KIF26B: variants seen among roughly 807,000 people sequenced by gnomAD.
The protein encoded by KIF26B is kinesin family member 26B.
Under a neutral mutation model 151.2 loss-of-function variants are expected in KIF26B, and 63 were observed. The ratio of observed to expected loss-of-function variants is 0.42; its 90% CI spans 0.34 to 0.51. The LOEUF is 0.51. KIF26B is among the 20% of genes least tolerant of loss of function. The pLI is 0.07. For missense variants in KIF26B, 2,813 were observed against 2,913.6 expected (o/e 0.97, Z 0.79); for synonymous variants, 1,357 against 1,262.1 (o/e 1.08, Z -1.59).
Position 245,601,493 on chromosome 1 carries a change from T to G in KIF26B, c.1351-1084T>G, listed in dbSNP as rs2043396248. On this transcript the variant is annotated intron_variant, in intron 5 of 14. Transcript: ENST00000407071. The surrounding 1 kb of genome is among the most constrained non-coding windows in gnomAD (Gnocchi z 4.4). ...AGATTTCACCAAACCTGACAACTGA[T>G]GAGACAAAGAGAACAAGACACAGAG... Among the ~76,000 whole-genome samples, 1 of 152,220 alleles carries G rather than the reference T, an allele frequency of 6.6e-6. No homozygotes were observed. The highest frequency in any genetic ancestry group is 1.5e-5 in the Non-Finnish European group (1 of 68,034).
At chr1:245,662,571 C>CCTATA (rs147252276) in intron 10 of KIF26B, among the ~76,000 whole-genome samples, 22 of 95,742 alleles carry the variant, frequency 2.3e-4, no homozygotes, top group South Asian at 6.9e-4. Context: ...TACACACACC[C>CCTATA]TATATATATA....
intron 2 of KIF26B, among the ~76,000 whole-genome samples, chr1:245,191,059 C>CAAAAAAA (rs55993346): frequency 3.8e-5 from 2 of 52,054 alleles, no homozygotes; most frequent in East Asian, 7.0e-4. Context: ...GACTCTGTCT[C>CAAAAAAA]AAAAAAAAAA....
At chr1:245,417,899 TGAAAG>T (rs1227446428) in intron 3 of KIF26B, among the ~76,000 whole-genome samples, 1 of 152,180 alleles carries the variant, frequency 6.6e-6, no homozygotes, top group Non-Finnish European at 1.5e-5. Flanking sequence ...AATATGGTAA[TGAAAG>T]GAAATAACCC....
chr1:245,262,183 T>C (rs1670656743), intron 2 of KIF26B, among the ~76,000 whole-genome samples: 1 of 152,212 alleles, frequency 6.6e-6, no homozygotes, highest in African/African-American at 2.4e-5. Flanking sequence ...GGAATCATTA[T>C]TGTACAGAAC....
rs113709548 is a variant in KIF26B, at chr1:245,417,205, T to C, written c.1000-2374T>C. ...AGAAAATATTTTCTAAGATAAAAAA[T>C]GCTAACATTTGTGAATAGTGGTAGT... On this transcript the variant is annotated intron_variant, in intron 3 of 14. Transcript: ENST00000407071. Among the ~76,000 whole-genome samples the C allele has an allele frequency of 7.4e-3, 1,128 of 152,316 alleles. 16 individuals are homozygous for C. The highest frequency in any genetic ancestry group is 0.025 in the African/African-American group (1,049 of 41,566).
chr1:245,367,201 A>C lies in KIF26B; in HGVS notation c.833A>C (p.Glu278Ala), dbSNP rs1482579637. The change falls in exon 3 of 15, where the codon GAA (glutamate) becomes GCA (alanine). Residue 278 changes from glutamate (E) to alanine (A), a missense_variant. Coordinates refer to ENST00000407071, the MANE Select transcript of KIF26B (RefSeq NM_018012.4). This position sits in a 1 kb window ranked among gnomAD's most constrained non-coding sequence, Gnocchi z 4.2. ...PSSLGVSNGA[E>A]KKSGSPTHQA... ...AGCCTTGGGGTCAGCAATGGGGCGG[A>C]AAAGAAGAGCGGGTCCCCAACCCAC... The C allele has an allele frequency of 3.7e-6, 6 of 1,609,382 alleles. No individual in the cohort carries two copies. The highest frequency in any genetic ancestry group is 5.1e-6 in the Non-Finnish European group (6 of 1,177,948).
intron 3 of KIF26B, among the ~76,000 whole-genome samples, chr1:245,391,928 G>T (rs2103022808): frequency 6.6e-6 from 1 of 152,122 alleles, no homozygotes. Flanking sequence ...AGGAGACCCT[G>T]GGAAAGAACT....
At position 245,702,370 on chromosome 1, in the gene KIF26B, T is replaced by G; in HGVS notation, c.6179-88T>G. The G allele has an allele frequency of 6.9e-7, 1 of 1,447,802 alleles. No individual in the cohort carries two copies. Among genetic ancestry groups the G allele is most frequent in the Non-Finnish European group, 9.6e-7 (1 of 1,043,020 alleles). 89.7% of individuals were successfully genotyped at this position (1,447,802 alleles called of 1,614,324 possible). On this transcript the variant is annotated intron_variant, in intron 14 of 14. Transcript: ENST00000407071. This position sits in a 1 kb window ranked among gnomAD's most constrained non-coding sequence, Gnocchi z 4.1. ...AGACCTTTAGACCAAGGGGTAGATG[T>G]GGGGGTGGCAGCTCCAGGCTGAGCC... is the stretch of plus-strand genomic sequence containing the variant.
chr1:245,198,910 C>T (rs1032141177), intron 2 of KIF26B, among the ~76,000 whole-genome samples: 1 of 10,690 alleles, frequency 9.4e-5, no homozygotes, highest in Non-Finnish European at 1.9e-4. Flanking sequence ...GCGTGGTGTG[C>T]AGCTGGTGGT....
intron 2 of KIF26B, among the ~76,000 whole-genome samples, chr1:245,258,371 T>C (rs985767360): frequency 1.3e-5 from 2 of 152,102 alleles, no homozygotes; most frequent in African/African-American, 2.4e-5. Context: ...CCAGAGTGCA[T>C]GCGGGAGGAG....
At chr1:245,399,426 A>G (rs1673939759) in intron 3 of KIF26B, among the ~76,000 whole-genome samples, 1 of 152,148 alleles carries the variant, frequency 6.6e-6, no homozygotes. Flanking sequence ...TCTTTGTTTG[A>G]TTTAAATCAT....
At chr1:245,442,184 G>A (rs989200508) in intron 4 of KIF26B, among the ~76,000 whole-genome samples, 7 of 152,152 alleles carry the variant, frequency 4.6e-5, no homozygotes, top group Non-Finnish European at 8.8e-5. Flanking sequence ...CAGGGCATGC[G>A]GCTGACAAGT....
rs61754898 is a variant in KIF26B, at chr1:245,540,828, G to A, written c.1228G>A (p.Ala410Thr). ...GAAACATCGGCCTTCCACTTCTTCCGCTGCCGAACCACCGCTCTTTGCAAC... is the reference window on the plus strand; with the variant it reads ...GAAACATCGGCCTTCCACTTCTTCCACTGCCGAACCACCGCTCTTTGCAAC... ...KKKHRPSTSSAAEPPLFATSF... is the reference protein window; with the variant it reads ...KKKHRPSTSSTAEPPLFATSF... Residue 410 changes from alanine to threonine, a missense_variant, in exon 5 of 15, where the codon GCT becomes ACT. Around this residue, in one of 3 missense-constraint regions of KIF26B, gnomAD observed 676 missense variants for 688.1 expected, o/e 0.98. Transcript: ENST00000407071. The surrounding 1 kb of genome is among the most constrained non-coding windows in gnomAD (Gnocchi z 4.6). The A allele has an allele frequency of 7.2e-4, 1,160 of 1,613,814 alleles. 6 individuals carry two copies. The highest frequency in any genetic ancestry group is 2.1e-3 in the Middle Eastern group (13 of 6,062).
intron 5 of KIF26B, among the ~76,000 whole-genome samples, chr1:245,542,362 C>T (rs934891539): frequency 6.6e-6 from 1 of 152,238 alleles, no homozygotes. Context: ...TGAAAACTTA[C>T]ATTGAACAGA....
At chr1:245,500,831 A>G (rs1338959431) in intron 4 of KIF26B, among the ~76,000 whole-genome samples, 1 of 152,234 alleles carries the variant, frequency 6.6e-6, no homozygotes, top group Non-Finnish European at 1.5e-5. Context: ...TATCTTACGC[A>G]AGAGCTGCAG....
chr1:245,383,015 A>G (rs1673449473), intron 3 of KIF26B, among the ~76,000 whole-genome samples: 1 of 144,550 alleles, frequency 6.9e-6, no homozygotes, highest in Admixed American at 6.9e-5. Flanking sequence ...ATATACACAC[A>G]CACACATATA....
intron 4 of KIF26B, among the ~76,000 whole-genome samples, chr1:245,521,913 TGGA>T (rs1558198102): frequency 5.6e-5 from 6 of 107,034 alleles, no homozygotes; most frequent in African/African-American, 1.1e-4. Flanking sequence ...TCACCCAGGC[TGGA>T]TGGAGTGCAG....
At chr1:245,554,135 G>T (rs1661960789) in intron 5 of KIF26B, among the ~76,000 whole-genome samples, 1 of 151,930 alleles carries the variant, frequency 6.6e-6, no homozygotes, top group African/African-American at 2.4e-5. Context: ...TTTGTATCAT[G>T]TACCATCCCT....
At chr1:245,487,421 T>G (rs1411653755) in intron 4 of KIF26B, among the ~76,000 whole-genome samples, 1 of 152,178 alleles carries the variant, frequency 6.6e-6, no homozygotes, top group Non-Finnish European at 1.5e-5. Flanking sequence ...GCCTACGTGC[T>G]GGCCAGTACT....
Sources: gnomAD v4.1 joint callset for allele counts (sites outside exome capture counted in the v4.1 genomes callset) on GRCh38, gnomAD v4.1.1 for gene constraint, gnomAD v4.1.1 regional missense constraint, Gnocchi (gnomAD v3.1) non-coding constraint, MANE v1.5 for transcripts, NCBI Gene and HGNC (gene_info 2026-07-23, HGNC 2026-07-21) for gene names.